KATNIP: variants seen among roughly 807,000 people sequenced by gnomAD.
KATNIP encodes katanin-interacting protein.
KATNIP carries 126 observed loss-of-function variants against 174.0 expected under a neutral mutation model. The ratio of observed to expected loss-of-function variants is 0.72; its 90% confidence interval spans 0.63 to 0.84. The LOEUF (loss-of-function observed/expected upper bound fraction) is 0.84. Among genes scored for constraint, KATNIP ranks in the 40% least tolerant of loss-of-function variants. The probability of loss-of-function intolerance (pLI) is 0.00; values close to 1 mark genes in which losing one functional copy is unlikely to be tolerated. For synonymous variants in KATNIP, 810 were observed against 835.7 expected, an observed-to-expected ratio of 0.97 and a Z score of 0.53; for missense variants, 1,958 against 2,109.7, an observed-to-expected ratio of 0.93 and a Z score of 1.41.
chr16:27,602,767 C>T (rs567283792), intron 2 of KATNIP, among the ~76,000 whole-genome samples: 1 of 152,232 alleles, frequency 6.6e-6, no homozygotes, highest in South Asian at 2.1e-4. Flanking sequence ...GGCACAATCT[C>T]GGCTCACTGC....
At chr16:27,553,647 T>C (rs2089486830) in intron 1 of KATNIP, among the ~76,000 whole-genome samples, 1 of 152,004 alleles carries the variant, frequency 6.6e-6, no homozygotes, top group Non-Finnish European at 1.5e-5. Context: ...AGACTCCATC[T>C]CTACTAAATA....
chr16:27,776,458 G>A lies in KATNIP; in HGVS notation c.4450-470G>A, dbSNP rs1001877708. Among the ~76,000 whole-genome samples the A allele has an allele frequency of 5.9e-5, 9 of 152,074 alleles. No individual in the cohort carries two copies. Among genetic ancestry groups the A allele is most frequent in the Admixed American group, 3.9e-4 (6 of 15,266 alleles). On this transcript the variant is annotated intron_variant, in intron 24 of 27. Coordinates refer to ENST00000261588, the MANE Select transcript of KATNIP (RefSeq NM_015202.5). This position sits in a 1 kb window ranked among gnomAD's most constrained non-coding sequence, Gnocchi z 4.7. The stretch of plus-strand genomic sequence containing the variant: ...TCCCCCAGCGGAGGTTCACAGACAC[G>A]CCCTGGACATTGTCCAGCAGCACCT...
intron 15 of KATNIP, among the ~76,000 whole-genome samples, chr16:27,746,072 C>T (rs957524889): frequency 2.6e-5 from 4 of 151,348 alleles, no homozygotes; most frequent in Non-Finnish European, 5.9e-5. Flanking sequence ...TCAAGTGATC[C>T]ACCCACCTCA....
intron 2 of KATNIP, among the ~76,000 whole-genome samples, chr16:27,583,104 T>C (rs8055845): frequency 0.84 from 128,454 of 152,162 alleles, 54,340 homozygotes; most frequent in East Asian, 1. Context: ...AAGACTCCAG[T>C]GCCGAAAAGC....
At position 27,750,069 on chromosome 16, in the gene KATNIP, G is replaced by A. The variant is rs780495694; in HGVS notation, c.3109G>A (p.Gly1037Arg). 1.2e-5 allele frequency: 20 copies of A among 1,613,994 alleles called. No individual in the cohort carries two copies. The highest frequency in any genetic ancestry group is 3.3e-4 in the Middle Eastern group (2 of 6,084). Residue 1037 changes from glycine (G) to arginine (R), a missense_variant, in exon 16 of 28, where the codon GGG becomes AGG. Physicochemically the swap from Gly to Arg is moderately radical, Grantham distance 125. Transcript: ENST00000261588. ...CCGCGTGGTCACCAACCTCATCGAC[G>A]GGGTGAACAGGACCCAGGATGACAT... ...DPRVVTNLID[G>R]VNRTQDDMHV...
chr16:27,652,353 A>G (rs921649741), intron 6 of KATNIP, among the ~76,000 whole-genome samples: 1 of 152,186 alleles, frequency 6.6e-6, no homozygotes, highest in Admixed American at 6.5e-5. Flanking sequence ...AGAAATAAAG[A>G]TACGGGATTC....
chr16:27,685,791 A>T (rs1342276022), intron 8 of KATNIP, among the ~76,000 whole-genome samples: 1 of 152,236 alleles, frequency 6.6e-6, no homozygotes, highest in Non-Finnish European at 1.5e-5. Context: ...AAAGCCTGGC[A>T]TTGTCACTGC....
chr16:27,683,581 T>C (rs747220557), intron 8 of KATNIP, among the ~76,000 whole-genome samples: 11 of 151,936 alleles, frequency 7.2e-5, no homozygotes, highest in Non-Finnish European at 1.6e-4. Context: ...AACTAGATAA[T>C]GGAGAAATGA....
At chr16:27,730,856 T>G (rs962020407) in intron 14 of KATNIP, among the ~76,000 whole-genome samples, 11 of 152,244 alleles carry the variant, frequency 7.2e-5, no homozygotes, top group African/African-American at 2.7e-4. Context: ...TCACAGTGTT[T>G]ACAGCTTCTG....
At chr16:27,614,946 TGGAGGGAGAAGTGAAGATG>T (rs1447029067) in intron 2 of KATNIP, among the ~76,000 whole-genome samples, 2 of 152,058 alleles carry the variant, frequency 1.3e-5, no homozygotes, top group Non-Finnish European at 2.9e-5. Context: ...TCCTTGTAAT[TGGAGGGAGAAGTGAAGATG>T]GGAGGGAGAA....
chr16:27,757,527 G>C (rs2081782577), intron 18 of KATNIP: 1 of 985,288 alleles, frequency 1.0e-6, no homozygotes, highest in Non-Finnish European at 1.2e-6. Flanking sequence ...TGCTGACCCA[G>C]CTCCTGACCT....
At chr16:27,725,599 C>T (rs2080416638) in intron 14 of KATNIP, among the ~76,000 whole-genome samples, 2 of 152,210 alleles carry the variant, frequency 1.3e-5, no homozygotes, top group African/African-American at 4.8e-5. Flanking sequence ...TGGTTTTTCA[C>T]AGCACTGCTT....
chr16:27,575,010 G>A (rs2141717725), intron 2 of KATNIP, among the ~76,000 whole-genome samples: 1 of 152,320 alleles, frequency 6.6e-6, no homozygotes, highest in Non-Finnish European at 1.5e-5. Context: ...CTCTGTGCCA[G>A]GCACCAGGGG....
rs1339696914 is a variant in KATNIP, at chr16:27,656,549, A to T, written c.540+7814A>T. ...GACTTGGAACCAACCCAAATGTCCAACAACGATAGACTGGATTAAGAAAAT... is the reference window on the plus strand; with the variant it reads ...GACTTGGAACCAACCCAAATGTCCATCAACGATAGACTGGATTAAGAAAAT... On this transcript the variant is annotated intron_variant, in intron 6 of 27. Coordinates refer to ENST00000261588, the MANE Select transcript of KATNIP (RefSeq NM_015202.5). 3.9e-5 allele frequency among the ~76,000 whole-genome samples: 6 copies of T among 152,058 alleles called. No homozygotes were observed. The South Asian group carries it at 6.2e-4, about 16-fold the overall frequency.
chr16:27,622,037 C>T (rs1433653386), intron 3 of KATNIP, among the ~76,000 whole-genome samples: 2 of 152,066 alleles, frequency 1.3e-5, no homozygotes, highest in Non-Finnish European at 2.9e-5. Context: ...ACTGGCCGTT[C>T]CTTGGCCACC....
intron 6 of KATNIP, among the ~76,000 whole-genome samples, chr16:27,671,953 A>G (rs1380063596): frequency 1.3e-5 from 2 of 152,014 alleles, no homozygotes; most frequent in Non-Finnish European, 2.9e-5. Flanking sequence ...CTACTTGGGA[A>G]GCTGAGGCAG....
chr16:27,707,579 G>A (rs1427324369), intron 12 of KATNIP, among the ~76,000 whole-genome samples: 4 of 152,264 alleles, frequency 2.6e-5, no homozygotes. Flanking sequence ...GCCGAGGGAT[G>A]TCAAGTGACT....
chr16:27,666,449 A>C (rs1196295963), intron 6 of KATNIP, among the ~76,000 whole-genome samples: 1 of 151,604 alleles, frequency 6.6e-6, no homozygotes, highest in African/African-American at 2.4e-5. Flanking sequence ...ACAGAGTCTC[A>C]CTCTGTCACC....
intron 6 of KATNIP, 73 bp downstream of exon 6, chr16:27,648,808 G>T: frequency 6.6e-7 from 1 of 1,524,048 alleles, no homozygotes; most frequent in South Asian, 1.2e-5. Context: ...TGGCCCCTCG[G>T]GGCACTTTCT....
Sources: allele counts gnomAD v4.1 joint callset (sites outside exome capture counted in the v4.1 genomes callset), GRCh38; gene constraint gnomAD v4.1.1; non-coding constraint Gnocchi (gnomAD v3.1); transcripts MANE v1.5; gene names NCBI Gene and HGNC (gene_info 2026-07-23, HGNC 2026-07-21).